Variants in KLHL20 observed in about 807,000 individuals in gnomAD.
KLHL20 encodes the protein kelch like family member 20.
In KLHL20, 29 loss-of-function variants were observed where a neutral mutation model predicts 69.5. The observed-to-expected ratio is 0.42, with a 90% confidence interval of 0.31 to 0.57. KLHL20 has a LOEUF of 0.57. KLHL20 is among the 20% of genes least tolerant of loss of function. The pLI is 0.18. For synonymous variants in KLHL20, 253 were observed against 265.2 expected (o/e 0.95, Z 0.45); for missense variants, 419 against 776.0 (o/e 0.54, Z 5.47).
intron 3 of KLHL20, among the ~76,000 whole-genome samples, chr1:173,745,165 T>C (rs1166790449): frequency 1.4e-5 from 2 of 143,812 alleles, no homozygotes; most frequent in African/African-American, 5.3e-5. Context: ...ATACATTTCT[T>C]TTTTCTTTTT....
rs114403711 is a variant in KLHL20, at chr1:173,784,960, C to G, written c.1746-203C>G. 3.8e-3 allele frequency among the ~76,000 whole-genome samples: 573 copies of G among 152,304 alleles called. 5 individuals are homozygous for G. Among genetic ancestry groups the G allele is most frequent in the Non-Finnish European group, 6.1e-3 (416 of 68,032 alleles). On this transcript the variant is annotated intron_variant, in intron 11 of 11. Coordinates refer to ENST00000209884, the MANE Select transcript of KLHL20 (RefSeq NM_014458.4). ...TATGAGTGAGAGCATGTCAGTCAAT[C>G]TCTGAAACAGTCCTGCTACTCAACA...
At chr1:173,733,680 C>T (rs1672389999) in intron 2 of KLHL20, 33 bp from the exon 3 acceptor site, 1 of 1,458,542 alleles carries the variant, frequency 6.9e-7, no homozygotes, top group Admixed American at 1.9e-5. Context: ...AATAATACTG[C>T]CATCTTCTCT....
chr1:173,727,078 G>A (rs550017964), intron 2 of KLHL20, among the ~76,000 whole-genome samples: 29 of 152,054 alleles, frequency 1.9e-4, no homozygotes, highest in Non-Finnish European at 3.2e-4. Context: ...GAAAACCACC[G>A]CACGAGAACT....
intron 2 of KLHL20, among the ~76,000 whole-genome samples, chr1:173,720,724 G>T (rs529143611): frequency 1.8e-4 from 28 of 152,234 alleles, no homozygotes; most frequent in African/African-American, 6.7e-4. Context: ...AAATCAAAAG[G>T]ATTTGGTGAA....
rs548370362 is a variant in KLHL20 at position 173,782,804 on chromosome 1, CTAA to C, written c.1745+578_1745+580del. ...ACTTTGCTTTTAAATCCTCAATTGT[CTAA>C]TAAAGCTTTCTTAAGTAGTTAAGTA... On this transcript the variant is annotated intron_variant, in intron 11 of 11. Transcript: ENST00000209884. Among the ~76,000 whole-genome samples the C allele has an allele frequency of 1.1e-4, 17 of 152,294 alleles. No homozygotes were observed. The South Asian group carries it at 3.5e-3, about 32-fold the overall frequency.
At chr1:173,725,779 G>A (rs1445607204) in intron 2 of KLHL20, among the ~76,000 whole-genome samples, 1 of 152,178 alleles carries the variant, frequency 6.6e-6, no homozygotes. Flanking sequence ...AGCCAAGATG[G>A]CCGAATAGGA....
At chr1:173,715,885 T>G in intron 1 of KLHL20, 118 bp from the exon 2 acceptor site, 1 of 681,326 alleles carries the variant, frequency 1.5e-6, no homozygotes, top group South Asian at 2.1e-5. Context: ...AGGCCTGTGG[T>G]ATAATAGGAT....
At chr1:173,745,077 C>T (rs2102489295) in intron 3 of KLHL20, among the ~76,000 whole-genome samples, 1 of 151,660 alleles carries the variant, frequency 6.6e-6, no homozygotes, top group East Asian at 1.9e-4. Context: ...TTGTCCTATC[C>T]AATAACAAGA....
rs1391405585 is a variant in KLHL20, at chr1:173,786,023, A to C, written c.*776A>C. ...TGTCTTGAGAATCCAAGAGAATCACATGCAGCTCTGCAACAGTTTTTGCTC... is the reference window on the plus strand; with the variant it reads ...TGTCTTGAGAATCCAAGAGAATCACCTGCAGCTCTGCAACAGTTTTTGCTC... On this transcript the variant is annotated 3_prime_UTR_variant, in exon 12 of 12. Transcript: ENST00000209884. 1 of 152,206 alleles carries C rather than the reference A, an allele frequency of 6.6e-6. No individual in the cohort carries two copies. Among genetic ancestry groups the C allele is most frequent in the African/African-American group, 2.4e-5 (1 of 41,456 alleles). The allele number at this position is 152,206 out of a possible 1,614,324, so 9.4% of individuals were successfully genotyped here.
intron 3 of KLHL20, among the ~76,000 whole-genome samples, chr1:173,742,718 A>C (rs1460186378): frequency 6.6e-6 from 1 of 151,130 alleles, no homozygotes; most frequent in Non-Finnish European, 1.5e-5. Context: ...ATATGTACAC[A>C]TGTATGTATA....
chr1:173,754,561 GCAA>G (rs1384960148), intron 5 of KLHL20, among the ~76,000 whole-genome samples: 1 of 140,406 alleles, frequency 7.1e-6, no homozygotes, highest in African/African-American at 2.8e-5. Context: ...TCCAGCCTGG[GCAA>G]CAAAAGTGAA....
At chr1:173,724,942 G>C (rs1229839890) in intron 2 of KLHL20, among the ~76,000 whole-genome samples, 1 of 152,092 alleles carries the variant, frequency 6.6e-6, no homozygotes, top group Admixed American at 6.6e-5. Flanking sequence ...ATTTCAGCTA[G>C]AAAAGTGATG....
At chr1:173,718,512 C>A (rs1240930518) in intron 2 of KLHL20, among the ~76,000 whole-genome samples, 2 of 151,316 alleles carry the variant, frequency 1.3e-5, no homozygotes, top group African/African-American at 4.9e-5. Context: ...TACCATTGAA[C>A]CCCAACCTGG....
At chr1:173,739,646 C>CTTTTTTTTTTT (rs60793132) in intron 3 of KLHL20, among the ~76,000 whole-genome samples, 1 of 89,930 alleles carries the variant, frequency 1.1e-5, no homozygotes, top group African/African-American at 4.0e-5. Context: ...TAATATCTCC[C>CTTTTTTTTTTT]TTTTTTTTTT....
chr1:173,720,191 G>A (rs1671652835), intron 2 of KLHL20, among the ~76,000 whole-genome samples: 1 of 152,166 alleles, frequency 6.6e-6, no homozygotes, highest in South Asian at 2.1e-4. Flanking sequence ...AAACTTAAGA[G>A]GAGGGAACTG....
chr1:173,731,010 G>C (rs77632342), intron 2 of KLHL20, among the ~76,000 whole-genome samples: 3 of 151,752 alleles, frequency 2.0e-5, no homozygotes, highest in Admixed American at 6.6e-5. Flanking sequence ...CAATGAACTC[G>C]AACAAATTTA....
chr1:173,753,017 AC>A, intron 4 of KLHL20, among the ~76,000 whole-genome samples, 195 bp from the exon 5 acceptor site: 1 of 151,984 alleles, frequency 6.6e-6, no homozygotes, highest in South Asian at 2.1e-4. Flanking sequence ...AAAAAAAAAT[AC>A]AAAAATTTGT....
At chr1:173,755,205 C>T (rs1044977427) in intron 5 of KLHL20, among the ~76,000 whole-genome samples, 5 of 151,964 alleles carry the variant, frequency 3.3e-5, no homozygotes, top group Admixed American at 1.3e-4. Flanking sequence ...ACTACAGGCG[C>T]GTACCACCAC....
At chr1:173,754,816 C>T (rs1418791089) in intron 5 of KLHL20, among the ~76,000 whole-genome samples, 1 of 152,132 alleles carries the variant, frequency 6.6e-6, no homozygotes, top group Non-Finnish European at 1.5e-5. Context: ...ATCCTAACTT[C>T]TTTTTGCTGC....
Sources: gnomAD v4.1 joint callset for allele counts (sites outside exome capture counted in the v4.1 genomes callset) on GRCh38, gnomAD v4.1.1 for gene constraint, MANE v1.5 for transcripts, NCBI Gene and HGNC (gene_info 2026-07-23, HGNC 2026-07-21) for gene names.